The following ABR variants were observed in gnomAD, a reference collection of about 807,000 sequenced individuals.
ABR encodes the protein ABR activator of RhoGEF and GTPase.
ABR carries 35 observed loss-of-function variants against 107.2 expected under a neutral mutation model. The ratio of observed to expected loss-of-function variants is 0.33; its 90% confidence interval spans 0.25 to 0.43. ABR has a LOEUF of 0.43. ABR is among the 20% of genes least tolerant of loss of function. ABR has a pLI of 1.00. For synonymous variants in ABR, 498 were observed against 462.0 expected, an observed-to-expected ratio of 1.08 and a Z score of -1.00; for missense variants, 815 against 1,115.2, an observed-to-expected ratio of 0.73 and a Z score of 3.83.
At chr17:1,197,705 C>A (rs4968176) in intron 1 of ABR, among the ~76,000 whole-genome samples, 47,690 of 151,330 alleles carry the variant, frequency 0.32, 8,778 homozygotes, top group East Asian at 0.62. Flanking sequence ...TCCTGGACCC[C>A]AGGCTGGTCC....
At chr17:1,152,033 T>C (rs778161114) in intron 1 of ABR, among the ~76,000 whole-genome samples, 1 of 149,812 alleles carries the variant, frequency 6.7e-6, no homozygotes, top group Non-Finnish European at 1.5e-5. Flanking sequence ...TGAGCACCTG[T>C]AGTCCCAGCA....
intron 1 of ABR, among the ~76,000 whole-genome samples, chr17:1,226,638 GA>G (rs1227815858): frequency 6.6e-6 from 1 of 151,560 alleles, no homozygotes; most frequent in Non-Finnish European, 1.5e-5. Flanking sequence ...ATGTACATGT[GA>G]AGGTGTGAAT....
chr17:1,056,329 T>TG (rs544104797), intron 13 of ABR, among the ~76,000 whole-genome samples: 10 of 151,926 alleles, frequency 6.6e-5, no homozygotes, highest in African/African-American at 1.5e-4. Flanking sequence ...CCACTCAGCC[T>TG]GGGGGGGTCC....
At chr17:1,112,479 C>G (rs2038730360) in intron 2 of ABR, among the ~76,000 whole-genome samples, 1 of 152,200 alleles carries the variant, frequency 6.6e-6, no homozygotes, top group Admixed American at 6.5e-5. Flanking sequence ...CACCTGAAAT[C>G]TCAGGTACTC....
At chr17:1,137,810 G>A (rs987263043) in intron 1 of ABR, among the ~76,000 whole-genome samples, 15 of 152,166 alleles carry the variant, frequency 9.9e-5, no homozygotes, top group East Asian at 1.9e-4. Context: ...CCGCATCACA[G>A]GAGTGCCGTA....
At chr17:1,058,506 A>C (rs2033594033) in intron 11 of ABR, among the ~76,000 whole-genome samples, 1 of 147,274 alleles carries the variant, frequency 6.8e-6, no homozygotes, top group African/African-American at 2.5e-5. Flanking sequence ...GGGTGGGTGA[A>C]GGGGGAGCTC....
chr17:1,156,632 G>A (rs1366210561), intron 1 of ABR, among the ~76,000 whole-genome samples: 5 of 151,980 alleles, frequency 3.3e-5, no homozygotes, highest in African/African-American at 1.2e-4. Context: ...TGCAGTGAGT[G>A]GAGATCGTGC....
chr17:1,019,561 G>A (rs2060269139), intron 16 of ABR, among the ~76,000 whole-genome samples: 2 of 151,546 alleles, frequency 1.3e-5, no homozygotes, highest in East Asian at 2.0e-4. Context: ...CCCTGACAAC[G>A]ACGCTCTGTT....
Position 1,011,729 on chromosome 17 carries a change from G to T in ABR, c.2101+117C>A. On this transcript the variant is annotated intron_variant, in intron 19 of 22. Coordinates refer to ENST00000302538, the MANE Select transcript of ABR (RefSeq NM_021962.5). The surrounding 1 kb of genome is among the most constrained non-coding windows in gnomAD (Gnocchi z 4.8). Reference sequence around the variant, plus strand: ...AGAAAGCACTTGCCACGGGGACTCTGAAGCAGAGCAAGCCTCCTCTCCAGG... The same window carrying T: ...AGAAAGCACTTGCCACGGGGACTCTTAAGCAGAGCAAGCCTCCTCTCCAGG... The T allele has an allele frequency of 7.5e-7, 1 of 1,326,032 alleles. No individual in the cohort carries two copies. Among genetic ancestry groups the T allele is most frequent in the Non-Finnish European group, 1.0e-6 (1 of 995,792 alleles). 82.1% of individuals were successfully genotyped at this position (1,326,032 alleles called of 1,614,324 possible). A position where few individuals can be genotyped will look rare whatever the true frequency, so the allele number is the denominator to read the frequency against.
intron 16 of ABR, among the ~76,000 whole-genome samples, chr17:1,035,067 C>T (rs563223829): frequency 6.6e-6 from 1 of 152,030 alleles, no homozygotes; most frequent in East Asian, 1.9e-4. Flanking sequence ...TCTTTCCCTT[C>T]CTCCCTATGG....
At chr17:1,159,628 G>A (rs62069457) in intron 1 of ABR, among the ~76,000 whole-genome samples, 108 of 69,756 alleles carry the variant, frequency 1.5e-3, no homozygotes, top group African/African-American at 6.7e-3. Flanking sequence ...CGGTACTCAC[G>A]CACAAGGGAA....
chr17:1,215,828 TGG>T, intron 1 of ABR, among the ~76,000 whole-genome samples: 1 of 152,152 alleles, frequency 6.6e-6, no homozygotes, highest in Non-Finnish European at 1.5e-5. Context: ...TGTTCTGTAC[TGG>T]GAGAAAATCT....
In ABR at chr17:1,078,742, A is replaced by G; in HGVS notation, c.700+588T>C. On this transcript the variant is annotated intron_variant, in intron 6 of 22. Coordinates refer to ENST00000302538, the MANE Select transcript of ABR (RefSeq NM_021962.5). The surrounding 1 kb of genome is among the most constrained non-coding windows in gnomAD (Gnocchi z 7.5). The stretch of plus-strand genomic sequence containing the variant: ...GCGGCCCTCTAACCTCCCCGGCCAC[A>G]TCTAAGCCCACTCCAGCCGGCCCCC... The G allele has an allele frequency of 6.7e-7, 1 of 1,485,056 alleles. No individual in the cohort carries two copies. The highest frequency in any genetic ancestry group is 9.1e-7 in the Non-Finnish European group (1 of 1,103,086). The allele number at this position is 1,485,056 out of a possible 1,614,324, so 92.0% of individuals were successfully genotyped here.
chr17:1,129,492 A>G (rs112263446), intron 1 of ABR, among the ~76,000 whole-genome samples: 8 of 152,276 alleles, frequency 5.3e-5, no homozygotes, highest in African/African-American at 1.9e-4. Flanking sequence ...AGATCGCGAC[A>G]CTGCACTCCA....
intron 1 of ABR, among the ~76,000 whole-genome samples, chr17:1,146,743 A>G (rs1471586792): frequency 7.3e-6 from 1 of 137,126 alleles, no homozygotes; most frequent in Non-Finnish European, 1.6e-5. Context: ...ACACGACACC[A>G]CTGCCACCAC....
chr17:1,185,600 G>A (rs200084831), intron 1 of ABR, among the ~76,000 whole-genome samples: 11 of 146,326 alleles, frequency 7.5e-5, no homozygotes, highest in Non-Finnish European at 1.5e-5. Flanking sequence ...AGCCGAGATC[G>A]TGCCACTGCA....
chr17:1,022,120 A>AAAAAAAAAAAAACAAAAAC (rs56033950), intron 16 of ABR, among the ~76,000 whole-genome samples: 4 of 118,394 alleles, frequency 3.4e-5, no homozygotes, highest in African/African-American at 1.5e-4. Flanking sequence ...AAAAAAAAAA[A>AAAAAAAAAAAAACAAAAAC]AAAAACAGAA....
intron 1 of ABR, among the ~76,000 whole-genome samples, chr17:1,159,571 CGGG>C (rs879832040): frequency 0.013 from 1,144 of 90,648 alleles, 40 homozygotes; most frequent in African/African-American, 0.021. Flanking sequence ...TACTCACACA[CGGG>C]AGAAGTAAGA....
In ABR at chr17:1,100,625, G is replaced by T; in HGVS notation, c.345+12C>A. The T allele has an allele frequency of 1.2e-6, 2 of 1,612,940 alleles. No homozygotes were observed. Among genetic ancestry groups the T allele is most frequent in the Non-Finnish European group, 1.7e-6 (2 of 1,178,996 alleles). On this transcript the variant is annotated intron_variant, in intron 3 of 22. Coordinates refer to ENST00000302538, the MANE Select transcript of ABR (RefSeq NM_021962.5). ...GGGGACCGGAAGGCCCCAGAGCAGGGACTGTACTCACCAGCAACAGGGCTT... is the reference window on the plus strand; with the variant it reads ...GGGGACCGGAAGGCCCCAGAGCAGGTACTGTACTCACCAGCAACAGGGCTT...
Sources: gnomAD v4.1 joint callset for allele counts (sites outside exome capture counted in the v4.1 genomes callset) on GRCh38, gnomAD v4.1.1 for gene constraint, Gnocchi (gnomAD v3.1) non-coding constraint, MANE v1.5 for transcripts, NCBI Gene and HGNC (gene_info 2026-07-23, HGNC 2026-07-21) for gene names.